The following TMPRSS15 variants were observed in gnomAD, a reference collection of about 807,000 sequenced individuals.
TMPRSS15 encodes enteropeptidase.
TMPRSS15 carries 128 observed loss-of-function variants against 125.3 expected under a neutral mutation model. The ratio of observed to expected loss-of-function variants is 1.02; its 90% confidence interval spans 0.89 to 1.18. The LOEUF is 1.18. TMPRSS15 is among the 50% of genes most tolerant of loss of function. The pLI is 0.00. For synonymous variants in TMPRSS15, 446 were observed against 423.2 expected, an observed-to-expected ratio of 1.05 and a Z score of -0.66; for missense variants, 1,283 against 1,212.7, an observed-to-expected ratio of 1.06 and a Z score of -0.86.
intron 4 of TMPRSS15, among the ~76,000 whole-genome samples, chr21:18,380,962 A>T (rs2075887833): frequency 6.6e-6 from 1 of 152,178 alleles, no homozygotes; most frequent in African/African-American, 2.4e-5. Flanking sequence ...TGAAGGTAAC[A>T]ATTGCAAAAC....
At chr21:18,308,259 T>C (rs894044475) in intron 18 of TMPRSS15, among the ~76,000 whole-genome samples, 1 of 152,184 alleles carries the variant, frequency 6.6e-6, no homozygotes, top group Non-Finnish European at 1.5e-5. Flanking sequence ...TTTTGTTGAC[T>C]CTTTATCAAC....
intron 1 of TMPRSS15, among the ~76,000 whole-genome samples, chr21:18,469,177 G>A (rs972016294): frequency 3.3e-5 from 5 of 152,116 alleles, no homozygotes; most frequent in African/African-American, 1.2e-4. Flanking sequence ...GGCAGGAAGA[G>A]GGCATGTATA....
At chr21:18,340,559 T>C (rs1157092537) in intron 13 of TMPRSS15, among the ~76,000 whole-genome samples, 1 of 152,232 alleles carries the variant, frequency 6.6e-6, no homozygotes, top group African/African-American at 2.4e-5. Context: ...TCCTATGAGT[T>C]CTGTCCCTCT....
chr21:18,275,373 G>A lies in TMPRSS15; in HGVS notation c.2765-37C>T, dbSNP rs780144869. 3.7e-6 allele frequency: 6 copies of A among 1,612,428 alleles called. No individual in the cohort carries two copies. In the Admixed American group the frequency reaches 1.0e-4, roughly 27 times the overall value. On this transcript the variant is annotated intron_variant, in intron 23 of 24. Transcript: ENST00000284885. ...GGAGAATGCAGCCAGCCAGTCAGAA[G>A]TGATCAACATGCATCCTTGAATGAA...
chr21:18,398,716 T>C (rs1029250232), intron 1 of TMPRSS15, among the ~76,000 whole-genome samples: 1 of 152,040 alleles, frequency 6.6e-6, no homozygotes, highest in Admixed American at 6.6e-5. Flanking sequence ...CCATTAAAAG[T>C]TTTGTAGTTG....
At position 18,365,268 on chromosome 21, in the gene TMPRSS15, A is replaced by C. The variant is rs2075716217; in HGVS notation, c.665-20T>G. On this transcript the variant is annotated intron_variant, in intron 6 of 24. Coordinates refer to ENST00000284885, the MANE Select transcript of TMPRSS15 (RefSeq NM_002772.3). ...CTGTGGCTGCAAAACGATGCCAATT[A>C]ATGTTAGACAAAAACAATCTTGGGA... 1.3e-6 allele frequency: 2 copies of C among 1,581,164 alleles called. No individual in the cohort carries two copies. Among genetic ancestry groups the C allele is most frequent in the Non-Finnish European group, 1.7e-6 (2 of 1,149,908 alleles).
At chr21:18,410,184 G>A (rs4381857) in intron 1 of TMPRSS15, among the ~76,000 whole-genome samples, 7 of 150,234 alleles carry the variant, frequency 4.7e-5, no homozygotes, top group Non-Finnish European at 1.0e-4. Flanking sequence ...ATTCACATGA[G>A]GCTGTATACA....
chr21:18,339,175 TTGAA>T (rs932123986), intron 13 of TMPRSS15, among the ~76,000 whole-genome samples: 22 of 152,208 alleles, frequency 1.4e-4, no homozygotes, highest in African/African-American at 5.3e-4. Context: ...TTTATAAAAT[TTGAA>T]TGAATGATTA....
chr21:18,324,022 A>G, intron 16 of TMPRSS15, among the ~76,000 whole-genome samples: 1 of 152,306 alleles, frequency 6.6e-6, no homozygotes, highest in African/African-American at 2.4e-5. Context: ...GAATTTTCAG[A>G]AAAATTTCCC....
Position 18,270,032 on chromosome 21 carries a change from A to C in TMPRSS15, c.2997T>G (p.Asn999Lys). Reference protein sequence around the residue: ...TSFGYKCALPNRPGVYARVSR... With the variant: ...TSFGYKCALPKRPGVYARVSR... ...AGACCCTGGCATACACTCCGGGGCG[A>C]TTAGGCAGGGCACACTTGTATCCAA... Residue 999 changes from asparagine (N) to lysine (K), a missense_variant, in exon 25 of 25, where the codon AAT (asparagine) becomes AAG (lysine). By Grantham distance (94) the Asn-to-Lys change is moderately conservative. Coordinates refer to ENST00000284885, the MANE Select transcript of TMPRSS15 (RefSeq NM_002772.3). 6.2e-7 allele frequency: 1 copy of C among 1,613,980 alleles called. No homozygotes were observed. Among genetic ancestry groups the C allele is most frequent in the Non-Finnish European group, 8.5e-7 (1 of 1,179,908 alleles).
chr21:18,361,325 T>C (rs1364445296), intron 7 of TMPRSS15, among the ~76,000 whole-genome samples: 1 of 152,022 alleles, frequency 6.6e-6, no homozygotes, highest in African/African-American at 2.4e-5. Context: ...GGGAGATGGC[T>C]AAAAGAAATA....
intron 1 of TMPRSS15, among the ~76,000 whole-genome samples, chr21:18,484,775 T>G (rs2123294694): frequency 6.6e-6 from 1 of 151,968 alleles, no homozygotes; most frequent in East Asian, 1.9e-4. Flanking sequence ...CACTCTCTAT[T>G]TTCTTCCATA....
chr21:18,401,376 G>A (rs180903933), intron 1 of TMPRSS15, among the ~76,000 whole-genome samples: 10 of 152,226 alleles, frequency 6.6e-5, no homozygotes, highest in Admixed American at 6.5e-4. Flanking sequence ...TGGTACATAT[G>A]CATTGTGGAA....
At chr21:18,464,172 CAAAAAAAA>C (rs1163284712) in intron 1 of TMPRSS15, among the ~76,000 whole-genome samples, 1 of 37,180 alleles carries the variant, frequency 2.7e-5, no homozygotes, top group Non-Finnish European at 7.0e-5. Flanking sequence ...GACTCCGTCT[CAAAAAAAA>C]AAAAAAAAAA....
chr21:18,404,088 CTCTTA>C (rs2076125953), upstream of TMPRSS15, among the ~76,000 whole-genome samples: 1 of 152,190 alleles, frequency 6.6e-6, no homozygotes, highest in Admixed American at 6.5e-5. Context: ...TAAGACACTT[CTCTTA>C]TATGTTGATA....
chr21:18,328,021 C>G (rs1314587439), intron 15 of TMPRSS15, among the ~76,000 whole-genome samples: 3 of 152,060 alleles, frequency 2.0e-5, no homozygotes, highest in Non-Finnish European at 4.4e-5. Flanking sequence ...CCACTGCACT[C>G]CAGCCTGGGT....
intron 22 of TMPRSS15, 133 bp downstream of exon 22, chr21:18,280,907 T>C (rs1029517273): frequency 2.0e-6 from 2 of 986,808 alleles, no homozygotes; most frequent in Non-Finnish European, 1.6e-6. Flanking sequence ...CTAATCCCAT[T>C]TAAGTTCCAA....
intron 21 of TMPRSS15, among the ~76,000 whole-genome samples, chr21:18,281,994 G>A (rs559153858): frequency 2.7e-4 from 41 of 151,084 alleles, no homozygotes; most frequent in Non-Finnish European, 4.9e-4. Context: ...CTACTTCGGG[G>A]GGCAGAGGCA....
intron 13 of TMPRSS15, 72 bp from the exon 14 acceptor site, chr21:18,332,245 C>G: frequency 7.6e-7 from 1 of 1,324,232 alleles, no homozygotes; most frequent in South Asian, 1.2e-5. Flanking sequence ...CATATGCCAG[C>G]GAATTTTCAA....
Sources: gnomAD v4.1 joint callset for allele counts (sites outside exome capture counted in the v4.1 genomes callset) on GRCh38, gnomAD v4.1.1 for gene constraint, MANE v1.5 for transcripts, NCBI Gene and HGNC (gene_info 2026-07-23, HGNC 2026-07-21) for gene names.